The following TNS3 variants were observed in gnomAD, a reference collection of about 807,000 sequenced individuals.
TNS3 encodes tensin 3.
Under a neutral mutation model 140.9 loss-of-function variants are expected in TNS3, and 45 were observed. The observed-to-expected ratio is 0.32, with a 90% CI of 0.25 to 0.41. The LOEUF is 0.41. TNS3 is among the 10% of genes least tolerant of loss of function. The probability of loss-of-function intolerance (pLI) is 1.00; values close to 1 mark genes in which losing one functional copy is unlikely to be tolerated. For missense variants in TNS3, 1,716 were observed against 1,906.7 expected, an observed-to-expected ratio of 0.90 and a Z score of 1.86; for synonymous variants, 815 against 788.4, an observed-to-expected ratio of 1.03 and a Z score of -0.56.
At chr7:47,433,685 C>T (rs1795032418) in intron 8 of TNS3, among the ~76,000 whole-genome samples, 1 of 152,210 alleles carries the variant, frequency 6.6e-6, no homozygotes, top group Non-Finnish European at 1.5e-5. Flanking sequence ...GCCCTAGAAC[C>T]TGCACTTTCC....
chr7:47,484,779 C>T (rs1194257207), intron 3 of TNS3, among the ~76,000 whole-genome samples: 1 of 152,204 alleles, frequency 6.6e-6, no homozygotes, highest in Non-Finnish European at 1.5e-5. Flanking sequence ...TGCTTGCTCT[C>T]CTCACCTCAA....
chr7:47,448,215 C>T (rs1795844599), intron 4 of TNS3, among the ~76,000 whole-genome samples: 1 of 152,236 alleles, frequency 6.6e-6, no homozygotes. Context: ...CTCCTCTGCA[C>T]TCACCCATGT....
At chr7:47,558,625 T>C (rs1202821956) in intron 1 of TNS3, among the ~76,000 whole-genome samples, 1 of 152,082 alleles carries the variant, frequency 6.6e-6, no homozygotes, top group East Asian at 1.9e-4. Context: ...GTTTCGTCGA[T>C]GGAAAAACTG....
At chr7:47,388,395 G>A (rs1408568148) in intron 16 of TNS3, among the ~76,000 whole-genome samples, 1 of 152,204 alleles carries the variant, frequency 6.6e-6, no homozygotes, top group African/African-American at 2.4e-5. Context: ...CCCCATAGGT[G>A]GGAATTAGAG....
At chr7:47,547,280 A>T (rs1220691076) in intron 1 of TNS3, among the ~76,000 whole-genome samples, 2 of 152,058 alleles carry the variant, frequency 1.3e-5, no homozygotes, top group Non-Finnish European at 2.9e-5. Context: ...AATTGTGTTG[A>T]CTTCAACTGG....
In TNS3 at chr7:47,277,867, A is replaced by T; in HGVS notation, c.*209T>A. ...ACCCAAAAAGCATGTGGCTACAGAGATGTGTCAGATAAGTCACTTTCAGGA... is the reference window on the plus strand; with the variant it reads ...ACCCAAAAAGCATGTGGCTACAGAGTTGTGTCAGATAAGTCACTTTCAGGA... On this transcript the variant is annotated 3_prime_UTR_variant, in exon 31 of 31. Coordinates refer to ENST00000311160, the MANE Select transcript of TNS3 (RefSeq NM_022748.12). The T allele has an allele frequency of 1.5e-6, 1 of 679,106 alleles. No individual in the cohort carries two copies. The highest frequency in any genetic ancestry group is 1.6e-5 in the South Asian group (1 of 61,164). 42.1% of individuals were successfully genotyped at this position (679,106 alleles called of 1,614,324 possible). A position where few individuals can be genotyped will look rare whatever the true frequency, so the allele number is the denominator to read the frequency against.
intron 2 of TNS3, among the ~76,000 whole-genome samples, chr7:47,520,644 A>G (rs1798940294): frequency 6.6e-6 from 1 of 152,234 alleles, no homozygotes. Flanking sequence ...GTATTGCAAC[A>G]GAGGAGCAGA....
chr7:47,537,141 G>A (rs1286489110), intron 1 of TNS3, among the ~76,000 whole-genome samples: 2 of 151,948 alleles, frequency 1.3e-5, no homozygotes, highest in Admixed American at 1.3e-4. Context: ...AGCCGGGCTC[G>A]GCCGGGCGAG....
At chr7:47,528,687 A>T (rs1390327148) in intron 2 of TNS3, among the ~76,000 whole-genome samples, 2 of 152,264 alleles carry the variant, frequency 1.3e-5, no homozygotes, top group African/African-American at 2.4e-5. Flanking sequence ...CTAAAGATAG[A>T]AACATTTCAT....
At chr7:47,302,551 T>G (rs1322637460) in intron 22 of TNS3, among the ~76,000 whole-genome samples, 3 of 152,222 alleles carry the variant, frequency 2.0e-5, no homozygotes, top group Non-Finnish European at 4.4e-5. Context: ...AAGGTTGGTG[T>G]TGTTCAACCC....
At chr7:47,486,045 TGA>T (rs1302253916) in intron 3 of TNS3, among the ~76,000 whole-genome samples, 1 of 151,088 alleles carries the variant, frequency 6.6e-6, no homozygotes. Context: ...TGCAGGTGTG[TGA>T]GTGTGGGTGT....
chr7:47,555,750 A>T (rs559873214), intron 1 of TNS3, among the ~76,000 whole-genome samples: 1 of 152,400 alleles, frequency 6.6e-6, no homozygotes, highest in African/African-American at 2.4e-5. Context: ...ACGCATTTTT[A>T]AATTGACATG....
At chr7:47,456,591 G>A (rs1353563278) in intron 4 of TNS3, among the ~76,000 whole-genome samples, 3 of 152,198 alleles carry the variant, frequency 2.0e-5, no homozygotes, top group Non-Finnish European at 4.4e-5. Context: ...GAGGCCAGGA[G>A]GGCATCCATT....
chr7:47,376,030 C>G (rs1446711622), intron 16 of TNS3, among the ~76,000 whole-genome samples: 1 of 152,226 alleles, frequency 6.6e-6, no homozygotes, highest in African/African-American at 2.4e-5. Context: ...ACAGTATCCT[C>G]CCTGCAATTT....
chr7:47,350,323 G>A (rs554292139), intron 17 of TNS3, among the ~76,000 whole-genome samples: 106 of 152,326 alleles, frequency 7.0e-4, no homozygotes, highest in African/African-American at 2.5e-3. Context: ...TCTGTCTCTC[G>A]TGTGAATTTC....
chr7:47,403,612 G>A (rs1793281742), intron 13 of TNS3, among the ~76,000 whole-genome samples: 1 of 152,070 alleles, frequency 6.6e-6, no homozygotes, highest in Admixed American at 6.6e-5. Flanking sequence ...CTTGATTAAT[G>A]GAGGTAAACA....
chr7:47,428,487 G>A (rs1794769594), intron 8 of TNS3, 111 bp from the exon 9 acceptor site: 1 of 760,388 alleles, frequency 1.3e-6, no homozygotes, highest in Non-Finnish European at 1.9e-6. Context: ...CTGCTTTGGT[G>A]GTAAGGCCAG....
chr7:47,352,314 TCA>T (rs1461342603), intron 17 of TNS3, among the ~76,000 whole-genome samples: 13 of 152,218 alleles, frequency 8.5e-5, no homozygotes, highest in Middle Eastern at 3.4e-3. Flanking sequence ...ACATTCAGTC[TCA>T]GTCTTGTACA....
At chr7:47,339,175 C>T (rs1199456289) in intron 20 of TNS3, among the ~76,000 whole-genome samples, 2 of 152,144 alleles carry the variant, frequency 1.3e-5, no homozygotes, top group East Asian at 3.8e-4. Context: ...ATCCTCTTCA[C>T]AGGTTCTTTC....
Sources: gnomAD v4.1 joint callset for allele counts (sites outside exome capture counted in the v4.1 genomes callset) on GRCh38, gnomAD v4.1.1 for gene constraint, MANE v1.5 for transcripts, NCBI Gene and HGNC (gene_info 2026-07-23, HGNC 2026-07-21) for gene names.